Variants in NEU4 observed in about 807,000 individuals in gnomAD.
The protein encoded by NEU4 is sialidase-4.
In NEU4, 7 loss-of-function variants were observed where a neutral mutation model predicts 9.9. The ratio of observed to expected loss-of-function variants is 0.71; its 90% confidence interval spans 0.40 to 1.33. NEU4 has a LOEUF of 1.33. Ranked by LOEUF, NEU4 falls within the 40% of genes most tolerant of loss-of-function variation. NEU4 has a pLI of 0.01. For missense variants in NEU4, 717 were observed against 712.6 expected, an observed-to-expected ratio of 1.01 and a Z score of -0.07; for synonymous variants, 348 against 316.9, an observed-to-expected ratio of 1.10 and a Z score of -1.04.
intron 1 of NEU4, 100 bp from the exon 2 acceptor site, chr2:241,814,382 T>A (rs1575381008): frequency 8.7e-7 from 1 of 1,144,156 alleles, no homozygotes; most frequent in East Asian, 2.5e-5. Flanking sequence ...GGGCAGGAGC[T>A]GTCTGCACCT....
At chr2:241,809,509 G>A (rs774012979) in intron 1 of NEU4, 18 of 339,240 alleles carry the variant, frequency 5.3e-5, no homozygotes, top group African/African-American at 2.2e-4. Context: ...GTGGCCCCTC[G>A]GCTGCCAGAG....
rs1045117004 is a variant in NEU4, at chr2:241,814,684, G to A, written c.200G>A (p.Arg67Gln). 38 of 1,547,372 alleles carry A rather than the reference G, an allele frequency of 2.5e-5. 1 individual carries two copies. Among genetic ancestry groups the A allele is most frequent in the South Asian group, 2.0e-4 (17 of 84,646 alleles). The change falls in exon 2 of 4, where the codon CGG becomes CAG. Residue 67 changes from arginine to glutamine, a missense_variant and splice_region_variant. By Grantham distance (43) the Arg-to-Gln change is conservative. Coordinates refer to ENST00000407683, the MANE Select transcript of NEU4 (RefSeq NM_001167600.3). Reference protein sequence around the residue: ...RRGTLAGGSVRWGALHVLGTA... With the variant: ...RRGTLAGGSVQWGALHVLGTA... ...GGCACGCTGGCCGGGGGCTCCGTGC[G>A]GGTGAGTGAGTGGCCGGGGGCTCTG...
chr2:241,814,388 C>T (rs1367419131), intron 1 of NEU4, 94 bp from the exon 2 acceptor site: 1 of 1,231,200 alleles, frequency 8.1e-7, no homozygotes, highest in South Asian at 1.4e-5. Flanking sequence ...GAGCTGTCTG[C>T]ACCTCCTGAG....
chr2:241,813,389 G>A lies in NEU4; in HGVS notation c.-3-1093G>A, dbSNP rs150986304. On this transcript the variant is annotated intron_variant, in intron 1 of 3. Coordinates refer to ENST00000407683, the MANE Select transcript of NEU4 (RefSeq NM_001167600.3). ...TGGGCGGCTGGCCGTGGATCTGACCGCTCCTGCATGGTGGAGGACCAGCGT... is the reference window on the plus strand; with the variant it reads ...TGGGCGGCTGGCCGTGGATCTGACCACTCCTGCATGGTGGAGGACCAGCGT... The A allele has an allele frequency of 1.5e-4, 161 of 1,049,694 alleles. No homozygotes were observed. The African/African-American group carries it at 1.7e-3, about 11-fold the overall frequency. 65.0% of individuals were successfully genotyped at this position (1,049,694 alleles called of 1,614,324 possible). A position where few individuals can be genotyped will look rare whatever the true frequency, so the allele number is the denominator to read the frequency against.
intron 1 of NEU4, chr2:241,811,565 G>A: frequency 9.6e-7 from 1 of 1,046,232 alleles, no homozygotes; most frequent in Middle Eastern, 3.2e-4. Context: ...CGCCCCCTCT[G>A]TCTGGGGGTG....
rs3749152 is a variant in NEU4 at position 241,816,008 on chromosome 2, G to A, written c.458-43G>A. On this transcript the variant is annotated intron_variant, in intron 3 of 3. Transcript: ENST00000407683. ...TGCCTTCCTCCAGCCCCCCGACCTCGGGGACCCAGCAGCCCCTCCCACCTC... is the reference window on the plus strand; with the variant it reads ...TGCCTTCCTCCAGCCCCCCGACCTCAGGGACCCAGCAGCCCCTCCCACCTC... The A allele has an allele frequency of 0.069, 104,552 of 1,508,476 alleles. 5,540 individuals carry two copies. The highest frequency in any genetic ancestry group is 0.23 in the East Asian group (9,701 of 41,418). The allele number at this position is 1,508,476 out of a possible 1,614,324, so 93.4% of individuals were successfully genotyped here.
chr2:241,811,969 C>G (rs1026660840), intron 1 of NEU4: 1 of 156,972 alleles, frequency 6.4e-6, no homozygotes, highest in Non-Finnish European at 1.4e-5. Context: ...GTGCAAAGGG[C>G]CTCTGCACTT....
intron 1 of NEU4, chr2:241,813,582 G>C: frequency 8.0e-7 from 1 of 1,257,406 alleles, no homozygotes; most frequent in Non-Finnish European, 1.1e-6. Context: ...GCCCTGCCCT[G>C]GTGGGTGTTG....
intron 1 of NEU4, among the ~76,000 whole-genome samples, chr2:241,813,159 C>T (rs1050325410): frequency 2.6e-5 from 4 of 152,186 alleles, no homozygotes; most frequent in African/African-American, 4.8e-5. Context: ...CCTCAGGTGT[C>T]GGGGCAAGGC....
rs148195275 is a variant in NEU4 at position 241,811,508 on chromosome 2, G to T, written c.-4+2234G>T. ...CCCCAGCACCCTCACCCCTCTACCC[G>T]GGCGCCCGGGGTCAGGACCCGCTCC... On this transcript the variant is annotated intron_variant, in intron 1 of 3. Coordinates refer to ENST00000407683, the MANE Select transcript of NEU4 (RefSeq NM_001167600.3). The T allele has an allele frequency of 3.0e-4, 430 of 1,446,310 alleles. 2 individuals are homozygous for T. The African/African-American group carries it at 5.2e-3, about 17-fold the overall frequency. 89.6% of individuals were successfully genotyped at this position (1,446,310 alleles called of 1,614,324 possible).
In NEU4 at chr2:241,816,649, G is replaced by T; in HGVS notation, c.1056G>T (p.Gly352=). 6.5e-7 allele frequency: 1 copy of T among 1,540,800 alleles called. No individual in the cohort carries two copies. ...CCAGGCAGCCTGGCCCCAGGCCTGG[G>T]GTCAGTGGGGATGTGGGGTCCTGGA... ...DGPRQPGPRP[G]VSGDVGSWTL... is the part of the protein sequence containing the mutation. The change falls in exon 4 of 4, where the codon GGG becomes GGT. Residue 352 remains glycine (G), a synonymous_variant. Transcript: ENST00000407683.
intron 1 of NEU4, chr2:241,811,579 G>C: frequency 2.2e-6 from 2 of 908,986 alleles, no homozygotes; most frequent in African/African-American, 1.7e-5. Flanking sequence ...GGGGGTGCTG[G>C]ACGAGTCCCA....
rs2125205668 is a variant in NEU4, at chr2:241,809,245, T to C, written c.-33T>C. 7.8e-7 allele frequency: 1 copy of C among 1,289,024 alleles called. No individual in the cohort carries two copies. Among genetic ancestry groups the C allele is most frequent in the South Asian group, 1.2e-5 (1 of 81,012 alleles). 79.8% of individuals were successfully genotyped at this position (1,289,024 alleles called of 1,614,324 possible). ...GAGGGGCACACCGTCCTTTTGTCTC[T>C]GCCTTTGAGGTTGGCGGGAACTGAA... On this transcript the variant is annotated 5_prime_UTR_variant, in exon 1 of 4. Transcript: ENST00000407683.
intron 3 of NEU4, 44 bp downstream of exon 3, chr2:241,815,191 G>A (rs1457089589): frequency 2.7e-6 from 4 of 1,493,658 alleles, no homozygotes; most frequent in African/African-American, 1.4e-5. Context: ...GATTGGCCAC[G>A]GTCCACATGG....
At chr2:241,810,027 G>A (rs1262544059) in intron 1 of NEU4, 1 of 152,274 alleles carries the variant, frequency 6.6e-6, no homozygotes, top group Non-Finnish European at 1.5e-5. Context: ...ACACGAGAAG[G>A]GAGATGGGCC....
chr2:241,809,629 G>A (rs1017502485), intron 1 of NEU4: 19 of 246,182 alleles, frequency 7.7e-5, no homozygotes, highest in Non-Finnish European at 1.2e-4. Context: ...TGGGGTGACA[G>A]TTGGGGGTTG....
chr2:241,809,369 C>A, intron 1 of NEU4, 95 bp downstream of exon 1: 2 of 628,802 alleles, frequency 3.2e-6, no homozygotes, highest in Non-Finnish European at 4.9e-6. Flanking sequence ...CCTGTCCGGG[C>A]TGTGCATTGA....
In NEU4 at chr2:241,815,273, C is replaced by T; in HGVS notation, c.457+126C>T. On this transcript the variant is annotated intron_variant, in intron 3 of 3. Transcript: ENST00000407683. Reference sequence around the variant, plus strand: ...CCAGCCACAAGGGAACCAACCATCCCTTTCCCCAGGACTGTTCTGCGCCTC... The same window carrying T: ...CCAGCCACAAGGGAACCAACCATCCTTTTCCCCAGGACTGTTCTGCGCCTC... 2.4e-6 allele frequency: 3 copies of T among 1,270,100 alleles called. No individual in the cohort carries two copies. In the South Asian group the frequency reaches 4.6e-5, roughly 20 times the overall value. The allele number at this position is 1,270,100 out of a possible 1,614,324, so 78.7% of individuals were successfully genotyped here. A position where few individuals can be genotyped will look rare whatever the true frequency, so the allele number is the denominator to read the frequency against.
Position 241,816,411 on chromosome 2 carries a change from C to CCATCGCA in NEU4, c.819_820insATCGCAC (p.Trp274IlefsTer23). On this transcript the variant is annotated frameshift_variant, in exon 4 of 4. Coordinates refer to ENST00000407683, the MANE Select transcript of NEU4 (RefSeq NM_001167600.3). LOFTEE classifies it low-confidence loss of function (END_TRUNC). ...CGCGTGGCTTCCCTGCCCGAGACTG[C>CCATCGCA]CTGGGGCTGCCAGGGCAGCATCGTG... 1 of 1,604,996 alleles carries CCATCGCA rather than the reference C, an allele frequency of 6.2e-7. No individual in the cohort carries two copies. The highest frequency in any genetic ancestry group is 8.5e-7 in the Non-Finnish European group (1 of 1,177,900).
Sources: gnomAD v4.1 joint callset for allele counts (sites outside exome capture counted in the v4.1 genomes callset) on GRCh38, gnomAD v4.1.1 for gene constraint, MANE v1.5 for transcripts, NCBI Gene and HGNC (gene_info 2026-07-23, HGNC 2026-07-21) for gene names.